Variants in TTN observed in about 807,000 individuals in gnomAD.
TTN encodes the protein connectin.
TTN carries 1,525 observed loss-of-function variants against 3,223.0 expected under a neutral mutation model. The observed-to-expected ratio is 0.47, with a 90% CI of 0.45 to 0.49. The LOEUF is 0.49. Ranked by LOEUF, TTN falls within the 20% of genes least tolerant of loss-of-function variation. The pLI is 0.00. For missense variants in TTN, 40,786 were observed against 43,424.0 expected (o/e 0.94, Z 5.40); for synonymous variants, 14,094 against 15,161.0 (o/e 0.93, Z 5.17).
At chr2:178,725,225 A>G (rs1202062974) in intron 71 of TTN, 143 bp downstream of exon 71, 4 of 882,828 alleles carry the variant, frequency 4.5e-6, no homozygotes, top group Non-Finnish European at 6.1e-6. Context: ...TTGAAAGATC[A>G]ACTATGTCTT....
chr2:178,668,883 A>C (rs570940652), intron 159 of TTN, among the ~76,000 whole-genome samples: 3 of 150,352 alleles, frequency 2.0e-5, no homozygotes, highest in South Asian at 4.3e-4. Context: ...CCCCCCCCCA[A>C]AAAAAAAGGT....
At chr2:178,750,520 ACTGTCAC>A in intron 47 of TTN, 1 of 1,612,732 alleles carries the variant, frequency 6.2e-7, no homozygotes, top group Non-Finnish European at 8.5e-7. Context: ...CAAAATTACA[ACTGTCAC>A]CTTCATAAAC....
chr2:178,620,872 A>G lies in TTN; in HGVS notation c.45738T>C (p.Ala15246=), dbSNP rs2303829. 41,570 of 1,612,574 alleles carry G rather than the reference A, an allele frequency of 0.026. 743 individuals carry two copies. Among genetic ancestry groups the G allele is most frequent in the East Asian group, 0.093 (4,162 of 44,690 alleles). The change falls in exon 247 of 363, where the codon GCT becomes GCC. Residue 15246 remains alanine, a synonymous_variant. Transcript: ENST00000589042. ...AKAKWFRNEE[A]IFDSSKYIIL... is the part of the protein sequence containing the mutation. ...TGATGTATTTTGAACTATCAAATAT[A>G]GCTTCTTCATTTCTGAACCATTTGG... is the stretch of plus-strand genomic sequence containing the variant.
In TTN at chr2:178,578,040, A is replaced by G. The variant is rs978474892; in HGVS notation, c.68475T>C (p.Gly22825=). ...EFRVMAINLA[G]VGKPSLPSEP... ...CTGATGGTAGGCTTGGCTTGCCCACACCTGCTAAATTGATTGCCATAACTC... is the reference window on the plus strand; with the variant it reads ...CTGATGGTAGGCTTGGCTTGCCCACGCCTGCTAAATTGATTGCCATAACTC... The change falls in exon 322 of 363, where the codon GGT becomes GGC. Residue 22825 remains glycine, a synonymous_variant. Transcript: ENST00000589042. The G allele has an allele frequency of 1.9e-6, 3 of 1,613,216 alleles. No homozygotes were observed. Among genetic ancestry groups the G allele is most frequent in the Non-Finnish European group, 2.5e-6 (3 of 1,179,478 alleles).
chr2:178,545,548 C>G lies in TTN; in HGVS notation c.95562G>C (p.Trp31854Cys), dbSNP rs752756889. The change falls in exon 344 of 363, where the codon TGG becomes TGC. Residue 31854 changes from tryptophan (W) to cysteine (C), a missense_variant. Coordinates refer to ENST00000589042, the MANE Select transcript of TTN (RefSeq NM_001267550.2). ...VDKREKKSLR[W>C]TRVNKDYVVY... ...CCACATAGTCTTTGTTGACACGTGT[C>G]CAGCGCAGGCTCTTCTTCTCACGTT... 7 of 1,613,594 alleles carry G rather than the reference C, an allele frequency of 4.3e-6. No individual in the cohort carries two copies. Among genetic ancestry groups the G allele is most frequent in the Non-Finnish European group, 5.9e-6 (7 of 1,179,720 alleles).
Position 178,535,763 on chromosome 2 carries a change from G to A in TTN, c.100852C>T (p.Pro33618Ser). ...ACAGGATCTGGTTTGCCACTGAAAG[G>A]AATCTTGATGCTGACCACTTCACCT... ...LRGEVVSIKI[P>S]FSGKPDPVIT... The change falls in exon 358 of 363, where the codon CCT becomes TCT. Residue 33618 changes from proline (P) to serine (S), a missense_variant. Pro to Ser is a moderately conservative substitution (Grantham distance 74). Transcript: ENST00000589042. 1 of 1,613,070 alleles carries A rather than the reference G, an allele frequency of 6.2e-7. No homozygotes were observed. The highest frequency in any genetic ancestry group is 8.5e-7 in the Non-Finnish European group (1 of 1,179,690).
Position 178,543,693 on chromosome 2 carries a change from C to G in TTN, c.96311-31G>C, listed in dbSNP as rs1341956234. On this transcript the variant is annotated intron_variant, in intron 346 of 362. Coordinates refer to ENST00000589042, the MANE Select transcript of TTN (RefSeq NM_001267550.2). ...AAACAGAATGAAAGATTCATATTTC[C>G]TATTTGCCTGATAGCTTTTTTTTTC... 3 of 1,540,788 alleles carry G rather than the reference C, an allele frequency of 1.9e-6. No individual in the cohort carries two copies. In the South Asian group the frequency reaches 3.7e-5, roughly 19 times the overall value.
chr2:178,771,624 C>G (rs1041010782), intron 33 of TTN, among the ~76,000 whole-genome samples, 153 bp from the exon 34 acceptor site: 15 of 151,962 alleles, frequency 9.9e-5, no homozygotes, highest in African/African-American at 3.6e-4. Context: ...TGAGAAGGTA[C>G]CAAAGAAATC....
chr2:178,714,103 G>A lies in TTN; in HGVS notation c.26555C>T (p.Thr8852Ile), dbSNP rs777360482. The A allele has an allele frequency of 6.2e-7, 1 of 1,613,676 alleles. No individual in the cohort carries two copies. Among genetic ancestry groups the A allele is most frequent in the Middle Eastern group, 1.7e-4 (1 of 6,056 alleles). ...TTGDTCTLEC[T>I]VAGTPELSTK... The stretch of plus-strand genomic sequence containing the variant: ...ACTGAGTTCAGGGGTGCCAGCTACT[G>A]TACACTCCAAGGTACAGGTGTCTCC... The change falls in exon 92 of 363, where the codon ACA (threonine) becomes ATA (isoleucine). Residue 8852 changes from threonine (T) to isoleucine (I), a missense_variant. Thr to Ile is a moderately conservative substitution (Grantham distance 89). Coordinates refer to ENST00000589042, the MANE Select transcript of TTN (RefSeq NM_001267550.2).
chr2:178,737,615 T>C (rs73038347), intron 49 of TTN, among the ~76,000 whole-genome samples: 5,448 of 152,226 alleles, frequency 0.036, 322 homozygotes, highest in African/African-American at 0.12. Context: ...ATTTTTAAAT[T>C]AGTAAAAATG....
rs1411457226 is a variant in TTN, at chr2:178,617,398, A to G, written c.47687T>C (p.Ile15896Thr). Reference sequence around the variant, plus strand: ...ATCTTTTCCTTCTTCGCATCGCTCAATTATATAGCCTAATATTGGGCTTCC... The same window carrying G: ...ATCTTTTCCTTCTTCGCATCGCTCAGTTATATAGCCTAATATTGGGCTTCC... ...DGGSPILGYIIERCEEGKDNW... is the reference protein window; with the variant it reads ...DGGSPILGYITERCEEGKDNW... The change falls in exon 254 of 363, where the codon ATT becomes ACT. Residue 15896 changes from isoleucine (I) to threonine (T), a missense_variant. Transcript: ENST00000589042. 5 of 1,591,856 alleles carry G rather than the reference A, an allele frequency of 3.1e-6. No individual in the cohort carries two copies. Among genetic ancestry groups the G allele is most frequent in the East Asian group, 4.5e-5 (2 of 44,260 alleles).
chr2:178,746,354 A>C lies in TTN; in HGVS notation c.11312-4433T>G, dbSNP rs755000326. 18 of 1,611,888 alleles carry C rather than the reference A, an allele frequency of 1.1e-5. No individual in the cohort carries two copies. In the South Asian group the frequency reaches 1.3e-4, roughly 12 times the overall value. ...TGGATCTACAAAATTAAATGGAAGA[A>C]CATCTAGACTCACAATCATACTTTT... On this transcript the variant is annotated intron_variant, in intron 47 of 362. Transcript: ENST00000589042.
At position 178,603,954 on chromosome 2, in the gene TTN, T is replaced by C. The variant is rs2054149835; in HGVS notation, c.54733A>G (p.Arg18245Gly). ...RLLEGVKYQF[R>G]AMAINAAGIG... ...CCTGCAGCATTTATTGCCATGGCTC[T>C]GAACTGGTATTTAACGCCTTCAAGC... The change falls in exon 282 of 363, where the codon AGA becomes GGA. Residue 18245 changes from arginine to glycine, a missense_variant. Arg to Gly is a moderately radical substitution (Grantham distance 125, BLOSUM62 -2). Coordinates refer to ENST00000589042, the MANE Select transcript of TTN (RefSeq NM_001267550.2). The C allele has an allele frequency of 6.2e-7, 1 of 1,612,540 alleles. No individual in the cohort carries two copies. The highest frequency in any genetic ancestry group is 1.3e-5 in the African/African-American group (1 of 74,818).
At position 178,696,121 on chromosome 2, in the gene TTN, G is replaced by C. The variant is rs952564944; in HGVS notation, c.30951C>G (p.Phe10317Leu). 2 of 1,551,648 alleles carry C rather than the reference G, an allele frequency of 1.3e-6. No individual in the cohort carries two copies. The highest frequency in any genetic ancestry group is 2.7e-5 in the African/African-American group (2 of 73,046). The change falls in exon 114 of 363, where the codon TTC becomes TTG. Residue 10317 changes from phenylalanine (F) to leucine (L), a missense_variant. Phe to Leu is a conservative substitution (Grantham distance 22, BLOSUM62 0). Coordinates refer to ENST00000589042, the MANE Select transcript of TTN (RefSeq NM_001267550.2). The stretch of plus-strand genomic sequence containing the variant: ...CCTCCAGTTCGTCATAAGGTTCTTC[G>C]AAAGATTCAATGAAGACTCTCTTCT... ...HKEKRVFIESFEEPYDELEVE... is the reference protein window; with the variant it reads ...HKEKRVFIESLEEPYDELEVE...
In TTN at chr2:178,530,718, C is replaced by G. The variant is rs886055219; in HGVS notation, c.105897G>C (p.Glu35299Asp). The change falls in exon 358 of 363, where the codon GAG becomes GAC. Residue 35299 changes from glutamate to aspartate, a missense_variant. Physicochemically the swap from Glu to Asp is conservative, Grantham distance 45. Coordinates refer to ENST00000589042, the MANE Select transcript of TTN (RefSeq NM_001267550.2). ...CAACCACACAGGTCAGTTTTGCAAT[C>G]TCTTTAGAAGCTTCTGCTTTCAGGA... ...TQFLKAEASK[E>D]IAKLTCVVES... is the part of the protein sequence containing the mutation. 7.4e-6 allele frequency: 12 copies of G among 1,613,938 alleles called. No homozygotes were observed. Among genetic ancestry groups the G allele is most frequent in the Non-Finnish European group, 1.0e-5 (12 of 1,179,878 alleles).
chr2:178,606,895 C>A (rs1254103026), intron 278 of TTN, 126 bp downstream of exon 278: 2 of 1,068,922 alleles, frequency 1.9e-6, no homozygotes, highest in Non-Finnish European at 2.6e-6. Flanking sequence ...TTTTGATTTA[C>A]TTTTCTTATT....
chr2:178,727,499 T>C (rs1283726821), intron 68 of TTN, 86 bp downstream of exon 68: 1 of 1,507,748 alleles, frequency 6.6e-7, no homozygotes, highest in South Asian at 1.4e-5. Flanking sequence ...AATACTACTT[T>C]CTTGATTGTT....
Position 178,580,405 on chromosome 2 carries a change from T to C in TTN, c.66974A>G (p.Asn22325Ser). ...FDTFLRCENV[N>S]KYDAGKYILT... ...GATATATTTTCCTGCATCATATTTG[T>C]TCACATTTTCACAGCGCAAGAAAGT... Residue 22325 changes from asparagine to serine, a missense_variant, in exon 317 of 363, where the codon AAC becomes AGC. By Grantham distance (46) the Asn-to-Ser change is conservative. Transcript: ENST00000589042. The C allele has an allele frequency of 6.2e-7, 1 of 1,613,320 alleles. No homozygotes were observed. Among genetic ancestry groups the C allele is most frequent in the East Asian group, 2.2e-5 (1 of 44,760 alleles).
Position 178,724,273 on chromosome 2 carries a change from C to G in TTN, c.21102G>C (p.Val7034=), listed in dbSNP as rs1189206555. The G allele has an allele frequency of 1.2e-5, 20 of 1,612,642 alleles. No individual in the cohort carries two copies. The highest frequency in any genetic ancestry group is 1.4e-5 in the Non-Finnish European group (17 of 1,179,224). The part of the protein sequence containing the change: ...NNVGKSSCTA[V]VDVSDRAVPP... ...AGCAGAACTAACCTGAAACATCAAC[C>G]ACAGCTGTGCAGCTGCTTTTCCCAA... is the stretch of plus-strand genomic sequence containing the variant. Residue 7034 remains valine, a synonymous_variant, in exon 72 of 363, where the codon GTG becomes GTC. Coordinates refer to ENST00000589042, the MANE Select transcript of TTN (RefSeq NM_001267550.2).
Sources: gnomAD v4.1 joint callset for allele counts (sites outside exome capture counted in the v4.1 genomes callset) on GRCh38, gnomAD v4.1.1 for gene constraint, MANE v1.5 for transcripts, NCBI Gene and HGNC (gene_info 2026-07-23, HGNC 2026-07-21) for gene names.